The following RGS7 variants were observed in gnomAD, a reference collection of about 807,000 sequenced individuals.
RGS7 encodes the protein regulator of G protein signaling 7.
In RGS7, 27 loss-of-function variants were observed where a neutral mutation model predicts 81.1. The observed-to-expected ratio is 0.33, with a 90% confidence interval of 0.25 to 0.46. RGS7 has a LOEUF of 0.46. Ranked by LOEUF, RGS7 falls within the 20% of genes least tolerant of loss-of-function variation. The pLI is 1.00. For missense variants in RGS7, 396 were observed against 607.4 expected (o/e 0.65, Z 3.66); for synonymous variants, 208 against 207.7 (o/e 1.00, Z -0.01).
intron 9 of RGS7, among the ~76,000 whole-genome samples, chr1:240,856,894 A>G (rs184609921): frequency 6.9e-4 from 105 of 152,304 alleles, no homozygotes; most frequent in Non-Finnish European, 1.4e-3. Flanking sequence ...TTTTTAAATC[A>G]CATTGATCAT....
At chr1:241,353,923 TTTTTGTTC>T (rs2083403779) in intron 2 of RGS7, among the ~76,000 whole-genome samples, 1 of 152,158 alleles carries the variant, frequency 6.6e-6, no homozygotes, top group African/African-American at 2.4e-5. Context: ...ATTTTTTCTT[TTTTTGTTC>T]TCATAATAAC....
intron 2 of RGS7, among the ~76,000 whole-genome samples, chr1:241,173,536 C>T (rs2070884517): frequency 6.6e-6 from 1 of 152,078 alleles, no homozygotes; most frequent in Non-Finnish European, 1.5e-5. Flanking sequence ...TGTAATCCTA[C>T]AATTTTGGGA....
chr1:240,993,446 T>G (rs1246641971), intron 3 of RGS7, among the ~76,000 whole-genome samples: 1 of 152,202 alleles, frequency 6.6e-6, no homozygotes, highest in African/African-American at 2.4e-5. Context: ...TTTTCATTTG[T>G]GTCTGCCTGG....
At chr1:241,168,554 A>G (rs1253052275) in intron 2 of RGS7, among the ~76,000 whole-genome samples, 1 of 152,064 alleles carries the variant, frequency 6.6e-6, no homozygotes, top group Non-Finnish European at 1.5e-5. Context: ...AATATGGCAA[A>G]CTTGATGGGG....
intron 3 of RGS7, among the ~76,000 whole-genome samples, chr1:240,995,644 A>T (rs184973569): frequency 3.3e-5 from 5 of 150,708 alleles, no homozygotes; most frequent in Admixed American, 2.6e-4. Context: ...TATCCTTTAG[A>T]TGTCTGCAGG....
intron 11 of RGS7, 22 bp downstream of exon 11, chr1:240,816,295 G>A: frequency 1.4e-6 from 2 of 1,472,092 alleles, no homozygotes; most frequent in Non-Finnish European, 1.9e-6. Context: ...CCTTTAACAG[G>A]TCATCTCATA....
chr1:241,008,038 C>T (rs1005439584), intron 3 of RGS7, among the ~76,000 whole-genome samples: 2 of 152,122 alleles, frequency 1.3e-5, no homozygotes, highest in African/African-American at 4.8e-5. Flanking sequence ...GCAAATTCTG[C>T]CTTTTCTGCC....
intron 6 of RGS7, among the ~76,000 whole-genome samples, chr1:240,908,007 A>C (rs1206594260): frequency 1.3e-5 from 2 of 151,730 alleles, no homozygotes; most frequent in Non-Finnish European, 2.9e-5. Context: ...ATTTTTAAGG[A>C]GTCTCCTTAC....
At chr1:241,238,749 G>T (rs757174222) in intron 2 of RGS7, among the ~76,000 whole-genome samples, 2 of 151,970 alleles carry the variant, frequency 1.3e-5, no homozygotes, top group Non-Finnish European at 2.9e-5. Flanking sequence ...TCTATTGAAT[G>T]ATCCGGGAAG....
At chr1:241,049,939 CAT>C (rs1413546082) in intron 3 of RGS7, among the ~76,000 whole-genome samples, 1 of 152,146 alleles carries the variant, frequency 6.6e-6, no homozygotes, top group East Asian at 1.9e-4. Context: ...GACAATAAAA[CAT>C]AGAAAGTACT....
At chr1:240,827,734 G>A (rs1487405686) in intron 9 of RGS7, among the ~76,000 whole-genome samples, 1 of 151,750 alleles carries the variant, frequency 6.6e-6, no homozygotes, top group East Asian at 1.9e-4. Flanking sequence ...CGTGGTGGCG[G>A]GTGCCTGTAA....
rs1025751999 is a variant in RGS7 at position 241,163,265 on chromosome 1, G to A, written c.79-64503C>T. On this transcript the variant is annotated intron_variant, in intron 2 of 18. Coordinates refer to ENST00000440928, the MANE Select transcript of RGS7 (RefSeq NM_001364886.1). The surrounding 1 kb of genome is among the most constrained non-coding windows in gnomAD (Gnocchi z 4.6). Reference sequence around the variant, plus strand: ...TTCACTCAGCCTGCTCAGTCCTAGGGCTCAGTAGCTTTTTGTGGAGATGAC... The same window carrying A: ...TTCACTCAGCCTGCTCAGTCCTAGGACTCAGTAGCTTTTTGTGGAGATGAC... Among the ~76,000 whole-genome samples the A allele has an allele frequency of 6.6e-6, 1 of 152,142 alleles. No homozygotes were observed. Among genetic ancestry groups the A allele is most frequent in the African/African-American group, 2.4e-5 (1 of 41,428 alleles).
intron 2 of RGS7, among the ~76,000 whole-genome samples, chr1:241,210,000 A>G (rs2074150330): frequency 1.3e-5 from 2 of 152,146 alleles, no homozygotes; most frequent in South Asian, 4.1e-4. Context: ...GTCATTGTCA[A>G]AAAGTATTAA....
At chr1:241,221,006 A>AGGAAGGAAGG (rs1553289481) in intron 2 of RGS7, among the ~76,000 whole-genome samples, 1 of 84,550 alleles carries the variant, frequency 1.2e-5, no homozygotes, top group African/African-American at 4.0e-5. Context: ...AGAGAGAGAG[A>AGGAAGGAAGG]AAGGAAGGAA....
chr1:240,902,849 T>C (rs946476398), intron 6 of RGS7, among the ~76,000 whole-genome samples: 2 of 152,158 alleles, frequency 1.3e-5, no homozygotes, highest in African/African-American at 4.8e-5. Context: ...AAGCAAATAA[T>C]AGGACATACA....
chr1:241,157,673 T>C (rs1194567828), intron 2 of RGS7, among the ~76,000 whole-genome samples: 2 of 152,176 alleles, frequency 1.3e-5, no homozygotes, highest in Non-Finnish European at 2.9e-5. Flanking sequence ...CATCAGATTT[T>C]GTTGGGCCCG....
intron 9 of RGS7, among the ~76,000 whole-genome samples, chr1:240,859,440 G>GTTTTTTTTTTTTTTTTTTCTT (rs1661769012): frequency 9.0e-6 from 1 of 110,826 alleles, no homozygotes; most frequent in African/African-American, 3.4e-5. Flanking sequence ...TTTCTTTCCT[G>GTTTTTTTTTTTTTTTTTTCTT]TTTTTTTTTT....
chr1:241,100,362 A>G (rs6695927), intron 2 of RGS7, among the ~76,000 whole-genome samples: 17,190 of 145,746 alleles, frequency 0.12, 1,703 homozygotes, highest in African/African-American at 0.27. Context: ...GCAAAAGAGC[A>G]AGACTCCATT....
intron 18 of RGS7, among the ~76,000 whole-genome samples, chr1:240,795,672 T>C (rs1686934755): frequency 6.6e-6 from 1 of 152,140 alleles, no homozygotes; most frequent in Non-Finnish European, 1.5e-5. Context: ...TAATAGATGA[T>C]CAGAAAAATT....
Sources: allele counts gnomAD v4.1 joint callset (sites outside exome capture counted in the v4.1 genomes callset), GRCh38; gene constraint gnomAD v4.1.1; non-coding constraint Gnocchi (gnomAD v3.1); transcripts MANE v1.5; gene names NCBI Gene and HGNC (gene_info 2026-07-23, HGNC 2026-07-21).